Variants in EIF4EBP2 observed in about 807,000 individuals in gnomAD.
EIF4EBP2 encodes eukaryotic translation initiation factor 4E-binding protein 2.
A neutral mutation model predicts 10.3 loss-of-function variants in EIF4EBP2; 5 were observed. The ratio of observed to expected loss-of-function variants is 0.48; its 90% CI spans 0.25 to 1.02. EIF4EBP2 has a LOEUF of 1.02. EIF4EBP2 is among the 50% of genes least tolerant of loss of function. The probability of loss-of-function intolerance (pLI) is 0.15; values close to 1 mark genes in which losing one functional copy is unlikely to be tolerated. For synonymous variants in EIF4EBP2, 67 were observed against 61.1 expected, an observed-to-expected ratio of 1.10 and a Z score of -0.45; for missense variants, 188 against 162.2, an observed-to-expected ratio of 1.16 and a Z score of -0.86.
chr10:70,404,657 C>G (rs1033540852), intron 1 of EIF4EBP2, 111 bp downstream of exon 1: 7 of 1,334,542 alleles, frequency 5.2e-6, no homozygotes, highest in Non-Finnish European at 6.8e-6. Context: ...CACCGAAGCC[C>G]CGGGGACGCT....
chr10:70,420,532 T>C (rs1589148714), intron 2 of EIF4EBP2, among the ~76,000 whole-genome samples: 1 of 152,222 alleles, frequency 6.6e-6, no homozygotes, highest in East Asian at 1.9e-4. Flanking sequence ...TGTTCAGTTA[T>C]ATGTCTCTAA....
chr10:70,420,057 A>G lies in EIF4EBP2; in HGVS notation c.289A>G (p.Asn97Asp). The stretch of plus-strand genomic sequence containing the variant: ...TGAAGACTCCAAAGTAGAAGTAAAC[A>G]ATTTGAACAACTTGAACAATCACGA... ...LIEDSKVEVN[N>D]LNNLNNHDRK... Residue 97 changes from asparagine to aspartate, a missense_variant, in exon 2 of 3, where the codon AAT (asparagine) becomes GAT (aspartate). Physicochemically the swap from Asn to Asp is conservative, Grantham distance 23. Transcript: ENST00000373218. The G allele has an allele frequency of 6.2e-7, 1 of 1,611,620 alleles. No individual in the cohort carries two copies. Among genetic ancestry groups the G allele is most frequent in the Non-Finnish European group, 8.5e-7 (1 of 1,179,190 alleles).
At chr10:70,409,126 C>T (rs1484808923) in intron 1 of EIF4EBP2, among the ~76,000 whole-genome samples, 1 of 152,138 alleles carries the variant, frequency 6.6e-6, no homozygotes, top group East Asian at 1.9e-4. Context: ...ATACAGCTTA[C>T]CCTTGAGCTT....
intron 1 of EIF4EBP2, among the ~76,000 whole-genome samples, chr10:70,413,781 C>G (rs960852226): frequency 6.6e-6 from 1 of 151,918 alleles, no homozygotes; most frequent in African/African-American, 2.4e-5. Context: ...GACTAAGGAG[C>G]ATGATTATTT....
chr10:70,422,672 A>T lies in EIF4EBP2; in HGVS notation c.*925A>T, dbSNP rs1432311848. 1 of 152,230 alleles carries T rather than the reference A, an allele frequency of 6.6e-6. No homozygotes were observed. Among genetic ancestry groups the T allele is most frequent in the African/African-American group, 2.4e-5 (1 of 41,466 alleles). 9.4% of individuals were successfully genotyped at this position (152,230 alleles called of 1,614,324 possible). A position where few individuals can be genotyped will look rare whatever the true frequency, so the allele number is the denominator to read the frequency against. On this transcript the variant is annotated 3_prime_UTR_variant, in exon 3 of 3. Coordinates refer to ENST00000373218, the MANE Select transcript of EIF4EBP2 (RefSeq NM_004096.5). Reference sequence around the variant, plus strand: ...TCCACTTGGTGGGTAAGGCCTGATCATAGTATTCTGTCAGATAATGCCTAA... The same window carrying T: ...TCCACTTGGTGGGTAAGGCCTGATCTTAGTATTCTGTCAGATAATGCCTAA...
chr10:70,415,765 C>CA (rs1845088695), intron 1 of EIF4EBP2, among the ~76,000 whole-genome samples: 2 of 151,666 alleles, frequency 1.3e-5, no homozygotes, highest in Admixed American at 6.6e-5. Flanking sequence ...ACCTAAATGT[C>CA]AGAGCAAAAG....
chr10:70,414,318 A>C (rs1324705149), intron 1 of EIF4EBP2, among the ~76,000 whole-genome samples: 4 of 152,172 alleles, frequency 2.6e-5, no homozygotes, highest in African/African-American at 9.7e-5. Context: ...ACCCACTACA[A>C]TTAAATTTTT....
chr10:70,417,854 A>G (rs964694058), intron 1 of EIF4EBP2, among the ~76,000 whole-genome samples: 1 of 152,188 alleles, frequency 6.6e-6, no homozygotes, highest in Admixed American at 6.5e-5. Context: ...GGCAAAGTCC[A>G]TTGTTAAAGC....
At position 70,423,571 on chromosome 10, in the gene EIF4EBP2, T is replaced by A. The variant is rs1183302963; in HGVS notation, c.*1824T>A. The A allele has an allele frequency of 6.6e-6, 1 of 152,318 alleles. No individual in the cohort carries two copies. The highest frequency in any genetic ancestry group is 1.9e-4 in the East Asian group (1 of 5,204). The allele number at this position is 152,318 out of a possible 1,614,324, so 9.4% of individuals were successfully genotyped here. On this transcript the variant is annotated 3_prime_UTR_variant, in exon 3 of 3. Coordinates refer to ENST00000373218, the MANE Select transcript of EIF4EBP2 (RefSeq NM_004096.5). ...GGTTGGATTTGGTGCCCTGAACTTT[T>A]TTATTAAGAAATCAGATCCCAGGGT...
At chr10:70,404,585 G>C (rs748822786) in intron 1 of EIF4EBP2, 39 bp downstream of exon 1, 2 of 1,512,786 alleles carry the variant, frequency 1.3e-6, no homozygotes, top group Non-Finnish European at 1.8e-6. Context: ...CCGGTGTCCC[G>C]CCGCGGTCCT....
rs1388611644 is a variant in EIF4EBP2, at chr10:70,419,933, C to T, written c.165C>T (p.Asp55=). Residue 55 remains aspartate (D), a synonymous_variant, in exon 2 of 3, where the codon GAC becomes GAT. Coordinates refer to ENST00000373218, the MANE Select transcript of EIF4EBP2 (RefSeq NM_004096.5). ...TTPGGTRIIY[D]RKFLLDRRNS... Reference sequence around the variant, plus strand: ...TTCCAGGAACTCGAATCATTTATGACAGAAAGTTTCTGTTGGATCGTCGCA... The same window carrying T: ...TTCCAGGAACTCGAATCATTTATGATAGAAAGTTTCTGTTGGATCGTCGCA... 2 of 1,585,302 alleles carry T rather than the reference C, an allele frequency of 1.3e-6. No homozygotes were observed. The highest frequency in any genetic ancestry group is 1.7e-6 in the Non-Finnish European group (2 of 1,169,826).
At chr10:70,410,064 C>CTTTT (rs999871673) in intron 1 of EIF4EBP2, among the ~76,000 whole-genome samples, 1 of 149,398 alleles carries the variant, frequency 6.7e-6, no homozygotes, top group African/African-American at 2.5e-5. Flanking sequence ...AAGGGAGCTG[C>CTTTT]TTTTTTTTTT....
intron 1 of EIF4EBP2, among the ~76,000 whole-genome samples, chr10:70,409,473 A>G (rs1401343814): frequency 6.6e-6 from 1 of 152,204 alleles, no homozygotes; most frequent in Non-Finnish European, 1.5e-5. Flanking sequence ...ATTGAGAGAA[A>G]TTGGGACCCA....
At chr10:70,417,977 A>G (rs925064409) in intron 1 of EIF4EBP2, among the ~76,000 whole-genome samples, 2 of 152,232 alleles carry the variant, frequency 1.3e-5, no homozygotes, top group Non-Finnish European at 2.9e-5. Context: ...CCAGACTAGA[A>G]ACACCAAGTT....
intron 2 of EIF4EBP2, 142 bp downstream of exon 2, chr10:70,420,241 T>A: frequency 1.2e-6 from 1 of 804,032 alleles, no homozygotes; most frequent in Non-Finnish European, 1.8e-6. Context: ...ATTCTGTCAC[T>A]GAGGCTGGAG....
chr10:70,408,619 CAGGGTGCAAT>C (rs1475565321), intron 1 of EIF4EBP2, among the ~76,000 whole-genome samples: 14 of 152,110 alleles, frequency 9.2e-5, no homozygotes, highest in Admixed American at 3.9e-4. Flanking sequence ...TTCCCTCAAC[CAGGGTGCAAT>C]AGTTTGTTAT....
At chr10:70,409,888 G>A (rs1346392200) in intron 1 of EIF4EBP2, among the ~76,000 whole-genome samples, 1 of 152,206 alleles carries the variant, frequency 6.6e-6, no homozygotes, top group Non-Finnish European at 1.5e-5. Context: ...TTTTGTCTGG[G>A]TTGTAGCTCT....
In EIF4EBP2 at chr10:70,422,140, G is replaced by GA. The variant is rs1178728370; in HGVS notation, c.*395dup. 5.0e-6 allele frequency: 1 copy of GA among 199,614 alleles called. No individual in the cohort carries two copies. Among genetic ancestry groups the GA allele is most frequent in the East Asian group, 1.2e-4 (1 of 8,500 alleles). The allele number at this position is 199,614 out of a possible 1,614,324, so 12.4% of individuals were successfully genotyped here. ...CAACTGCCTGGCTGGGAAGTCTGGG[G>GA]AAGGGATACAGAGCTTGGTGGGCCT... On this transcript the variant is annotated 3_prime_UTR_variant, in exon 3 of 3. Transcript: ENST00000373218.
At position 70,404,219 on chromosome 10, in the gene EIF4EBP2, A is replaced by AGCG. The variant is rs1167072271; in HGVS notation, c.-165_-163dup. Among the ~76,000 whole-genome samples the AGCG allele has an allele frequency of 9.9e-5, 15 of 152,076 alleles. No individual in the cohort carries two copies. The highest frequency in any genetic ancestry group is 3.9e-4 in the East Asian group (2 of 5,160). ...GCTGCTGGCTGAGGCCGGAGGATCGAGCGGCGGCGGCGGCGGCGGCTGAGA... is the reference window on the plus strand; with the variant it reads ...GCTGCTGGCTGAGGCCGGAGGATCGAGCGGCGGCGGCGGCGGCGGCGGCTGAGA... On this transcript the variant is annotated 5_prime_UTR_variant, in exon 1 of 3. Coordinates refer to ENST00000373218, the MANE Select transcript of EIF4EBP2 (RefSeq NM_004096.5).
Sources: allele counts gnomAD v4.1 joint callset (sites outside exome capture counted in the v4.1 genomes callset), GRCh38; gene constraint gnomAD v4.1.1; transcripts MANE v1.5; gene names NCBI Gene and HGNC (gene_info 2026-07-23, HGNC 2026-07-21).